CNTNAP2: variants seen among roughly 807,000 people sequenced by gnomAD.
CNTNAP2 encodes the protein contactin associated protein 2, also known as contactin-associated protein-like 2.
Under a neutral mutation model 155.2 loss-of-function variants are expected in CNTNAP2, and 98 were observed. The observed-to-expected ratio is 0.63, with a 90% CI of 0.54 to 0.75. CNTNAP2 has a LOEUF of 0.75. Ranked by LOEUF, CNTNAP2 falls within the 30% of genes least tolerant of loss-of-function variation. CNTNAP2 has a pLI of 0.00. For synonymous variants in CNTNAP2, 651 were observed against 631.2 expected, an observed-to-expected ratio of 1.03 and a Z score of -0.47; for missense variants, 1,727 against 1,688.1, an observed-to-expected ratio of 1.02 and a Z score of -0.40.
At chr7:147,750,098 A>C (rs1797110090) in intron 13 of CNTNAP2, among the ~76,000 whole-genome samples, 1 of 152,204 alleles carries the variant, frequency 6.6e-6, no homozygotes, top group African/African-American at 2.4e-5. Flanking sequence ...GCTGTATTGA[A>C]ATCTTGTTCC....
At chr7:148,365,825 T>C (rs372031525) in intron 21 of CNTNAP2, among the ~76,000 whole-genome samples, 9,724 of 50,100 alleles carry the variant, frequency 0.19, 4,223 homozygotes, top group East Asian at 0.56. Context: ...TACATGCATG[T>C]GTATGCATGT....
chr7:146,227,636 G>T (rs571574522), intron 1 of CNTNAP2, among the ~76,000 whole-genome samples: 9 of 152,162 alleles, frequency 5.9e-5, no homozygotes, highest in African/African-American at 2.2e-4. Flanking sequence ...AGTAATGAAA[G>T]AAAGTGTCAA....
intron 1 of CNTNAP2, among the ~76,000 whole-genome samples, chr7:146,176,755 A>G (rs934177399): frequency 1.6e-4 from 25 of 152,186 alleles, no homozygotes; most frequent in Non-Finnish European, 1.5e-5. Context: ...ATTATTAGAT[A>G]ATGTGTAAGC....
chr7:147,957,410 A>T (rs368316819), intron 14 of CNTNAP2, among the ~76,000 whole-genome samples: 13 of 152,306 alleles, frequency 8.5e-5, no homozygotes, highest in East Asian at 1.9e-4. Context: ...GAAATACTGT[A>T]TTTGAGAACC....
rs1800612590 is a variant in CNTNAP2, at chr7:146,687,021, A to G, written c.98-87250A>G. On this transcript the variant is annotated intron_variant, in intron 1 of 23. Transcript: ENST00000361727. ...GGTGCGTTAGTTTATATGCCTAACT[A>G]GCATTCTTCTTCTGAGCGAGGTGCA... 2.0e-5 allele frequency among the ~76,000 whole-genome samples: 3 copies of G among 152,178 alleles called. No homozygotes were observed. The South Asian group carries it at 6.2e-4, about 32-fold the overall frequency.
chr7:147,439,889 C>T lies in CNTNAP2; in HGVS notation c.1670+44109C>T, dbSNP rs78200418. ...AATCTATGTTGTCTGGTATAAGAAT[C>T]GTAACTCCTACTTTTGTTTTGGTTT... is the stretch of plus-strand genomic sequence containing the variant. On this transcript the variant is annotated intron_variant, in intron 10 of 23. Coordinates refer to ENST00000361727, the MANE Select transcript of CNTNAP2 (RefSeq NM_014141.6). 3.6e-3 allele frequency among the ~76,000 whole-genome samples: 554 copies of T among 151,986 alleles called. 3 individuals are homozygous for T. Among genetic ancestry groups the T allele is most frequent in the African/African-American group, 0.012 (518 of 41,504 alleles).
intron 8 of CNTNAP2, among the ~76,000 whole-genome samples, chr7:147,266,351 C>T (rs2116695648): frequency 6.6e-6 from 1 of 152,288 alleles, no homozygotes; most frequent in South Asian, 2.1e-4. Context: ...AGTCATACAG[C>T]CATTGAGACC....
chr7:148,230,079 C>A (rs1368421369), intron 20 of CNTNAP2, among the ~76,000 whole-genome samples: 2 of 152,216 alleles, frequency 1.3e-5, no homozygotes, highest in Non-Finnish European at 2.9e-5. Context: ...TTATCCATTG[C>A]ACCATCTTTC....
chr7:147,020,778 A>G (rs1231077499), intron 3 of CNTNAP2, among the ~76,000 whole-genome samples: 1 of 152,158 alleles, frequency 6.6e-6, no homozygotes, highest in Non-Finnish European at 1.5e-5. Flanking sequence ...GTTTGAACAT[A>G]GTTTCAGAAG....
intron 8 of CNTNAP2, among the ~76,000 whole-genome samples, chr7:147,280,580 A>C (rs1805013431): frequency 6.6e-6 from 1 of 151,822 alleles, no homozygotes; most frequent in Non-Finnish European, 1.5e-5. Flanking sequence ...ACAAAGTTTA[A>C]CTCAAGCAGT....
intron 22 of CNTNAP2, among the ~76,000 whole-genome samples, chr7:148,396,514 C>T (rs1448883030): frequency 6.6e-6 from 1 of 152,178 alleles, no homozygotes; most frequent in African/African-American, 2.4e-5. Context: ...ACAGGGGAAT[C>T]TCTGTCAGTC....
chr7:147,774,328 A>C (rs180785056), intron 13 of CNTNAP2, among the ~76,000 whole-genome samples: 61 of 152,318 alleles, frequency 4.0e-4, no homozygotes, highest in African/African-American at 1.3e-3. Flanking sequence ...ATAATGAGCA[A>C]ATAAGAAATT....
intron 13 of CNTNAP2, among the ~76,000 whole-genome samples, chr7:147,827,199 G>A (rs1798466668): frequency 1.3e-5 from 2 of 152,002 alleles, no homozygotes; most frequent in African/African-American, 2.4e-5. Flanking sequence ...AATAACTTTA[G>A]TAATTACTCA....
intron 14 of CNTNAP2, among the ~76,000 whole-genome samples, chr7:147,962,016 T>C (rs1387807733): frequency 6.6e-6 from 1 of 151,582 alleles, no homozygotes; most frequent in Non-Finnish European, 1.5e-5. Context: ...TGATGTGCTA[T>C]GATGGGGAAT....
intron 10 of CNTNAP2, among the ~76,000 whole-genome samples, chr7:147,450,192 G>A (rs1257390538): frequency 6.6e-6 from 1 of 152,182 alleles, no homozygotes; most frequent in Non-Finnish European, 1.5e-5. Flanking sequence ...GGTGGAAGAA[G>A]AGAAAGTCAT....
At chr7:146,950,096 C>A (rs566504759) in intron 3 of CNTNAP2, among the ~76,000 whole-genome samples, 99 of 152,118 alleles carry the variant, frequency 6.5e-4, no homozygotes, top group African/African-American at 2.3e-3. Flanking sequence ...CCCCAAAATA[C>A]AAATTTCCTA....
intron 1 of CNTNAP2, among the ~76,000 whole-genome samples, chr7:146,600,625 T>A (rs1798936590): frequency 6.6e-6 from 1 of 152,172 alleles, no homozygotes; most frequent in Non-Finnish European, 1.5e-5. Context: ...TATGTGTGTT[T>A]GTATCCAGGC....
chr7:148,317,374 G>A (rs887315916), intron 21 of CNTNAP2, among the ~76,000 whole-genome samples: 4 of 151,924 alleles, frequency 2.6e-5, no homozygotes, highest in African/African-American at 7.3e-5. Context: ...AAAATTCATG[G>A]TATTATTCTT....
chr7:147,968,928 T>C (rs1047350687), intron 14 of CNTNAP2, among the ~76,000 whole-genome samples: 1 of 152,224 alleles, frequency 6.6e-6, no homozygotes, highest in Admixed American at 6.5e-5. Context: ...TAGAGGAGAT[T>C]GGCTTTATAG....
Sources: allele counts gnomAD v4.1 joint callset (sites outside exome capture counted in the v4.1 genomes callset), GRCh38; gene constraint gnomAD v4.1.1; transcripts MANE v1.5; gene names NCBI Gene and HGNC (gene_info 2026-07-23, HGNC 2026-07-21).